The following GPR89B variants were observed in gnomAD, a reference collection of about 807,000 sequenced individuals.
GPR89B encodes golgi pH regulator B.
Under a neutral mutation model 52.4 loss-of-function variants are expected in GPR89B, and 25 were observed. The ratio of observed to expected loss-of-function variants is 0.48; its 90% CI spans 0.35 to 0.67. GPR89B has a LOEUF of 0.67. Among genes scored for constraint, GPR89B ranks in the 30% least tolerant of loss-of-function variants. The pLI is 0.01. For synonymous variants in GPR89B, 52 were observed against 151.2 expected, an observed-to-expected ratio of 0.34 and a Z score of 4.81; for missense variants, 146 against 450.2, an observed-to-expected ratio of 0.32 and a Z score of 6.11.
chr1:148,013,105 C>T, the GPR89B span, among the ~76,000 whole-genome samples: 1 of 152,058 alleles, frequency 6.6e-6, no homozygotes, highest in Non-Finnish European at 1.5e-5. Context: ...ACATGCATTA[C>T]CTTATTTAAA....
intron 7 of GPR89B, among the ~76,000 whole-genome samples, chr1:147,955,086 A>G (rs1175135640): frequency 6.6e-6 from 1 of 151,988 alleles, no homozygotes; most frequent in Non-Finnish European, 1.5e-5. Context: ...AGCCTCTGGT[A>G]ACCATCATTC....
chr1:147,965,897 C>T (rs1191382240), intron 7 of GPR89B, among the ~76,000 whole-genome samples: 8 of 151,706 alleles, frequency 5.3e-5, no homozygotes, highest in South Asian at 2.1e-4. Flanking sequence ...CCTGGGCTGG[C>T]GTGCAGTGGC....
the GPR89B span, among the ~76,000 whole-genome samples, chr1:148,006,880 C>G: frequency 1.1e-4 from 16 of 151,650 alleles, no homozygotes; most frequent in African/African-American, 3.6e-4. Context: ...CCGCGCCTGG[C>G]TAATTTTTGT....
intron 3 of GPR89B, 63 bp from the exon 4 acceptor site, chr1:147,943,375 T>G: frequency 6.3e-7 from 1 of 1,598,540 alleles, no homozygotes; most frequent in Non-Finnish European, 8.5e-7. Flanking sequence ...TTTGGAAGAC[T>G]AAAGAGAAAG....
intron 10 of GPR89B, among the ~76,000 whole-genome samples, chr1:147,980,862 T>G (rs1658196164): frequency 7.1e-6 from 1 of 141,758 alleles, no homozygotes; most frequent in Non-Finnish European, 1.5e-5. Flanking sequence ...TCCATACTCA[T>G]TAGTAGTCAT....
chr1:148,001,678 A>G, the GPR89B span, among the ~76,000 whole-genome samples: 1 of 150,582 alleles, frequency 6.6e-6, no homozygotes, highest in Admixed American at 6.6e-5. Context: ...TTATAAGCAC[A>G]CTATCTAGGC....
At chr1:147,931,662 G>A (rs587649756) in intron 1 of GPR89B, among the ~76,000 whole-genome samples, 27 of 151,600 alleles carry the variant, frequency 1.8e-4, no homozygotes, top group Admixed American at 1.6e-3. Context: ...GAGGTTTGGG[G>A]TACAAATGAT....
intron 1 of GPR89B, among the ~76,000 whole-genome samples, chr1:147,930,376 C>G (rs1653473978): frequency 6.6e-6 from 1 of 152,162 alleles, no homozygotes; most frequent in South Asian, 2.1e-4. Context: ...TGCCTTCTTC[C>G]TCATTTCCAT....
At position 147,938,888 on chromosome 1, in the gene GPR89B, G is replaced by A. The variant is rs587666604; in HGVS notation, c.206+71G>A. ...ATTCTTTACAGTGGAAAAGCTATTGGATCTCATAACTGAAAAAAAAAAAAA... is the reference window on the plus strand; with the variant it reads ...ATTCTTTACAGTGGAAAAGCTATTGAATCTCATAACTGAAAAAAAAAAAAA... On this transcript the variant is annotated intron_variant, in intron 3 of 13. Transcript: ENST00000314163. The A allele has an allele frequency of 1.9e-5, 29 of 1,537,724 alleles. No individual in the cohort carries two copies. In the African/African-American group the frequency reaches 2.9e-4, roughly 15 times the overall value.
In GPR89B at chr1:147,940,125, C is replaced by T. The variant is rs1338357355; in HGVS notation, c.206+1308C>T. Among the ~76,000 whole-genome samples, 7 of 151,864 alleles carry T rather than the reference C, an allele frequency of 4.6e-5. No individual in the cohort carries two copies. The East Asian group carries it at 9.6e-4, about 21-fold the overall frequency. ...AAACTTTAATAATCCAAACCTTGGC[C>T]GGGCGCGGTGGCTCACGCCTGTAAT... On this transcript the variant is annotated intron_variant, in intron 3 of 13. Coordinates refer to ENST00000314163, the MANE Select transcript of GPR89B (RefSeq NM_016334.5).
downstream of GPR89B, chr1:147,995,785 C>G: frequency 1.9e-6 from 3 of 1,592,270 alleles, no homozygotes; most frequent in Non-Finnish European, 2.6e-6. Context: ...TTCTATCCAC[C>G]ACCTTCTCAT....
the GPR89B span, chr1:148,009,702 C>T: frequency 2.8e-6 from 2 of 711,120 alleles, no homozygotes; most frequent in South Asian, 1.9e-5. Context: ...CTAGTTGACC[C>T]TTGACACCCA....
At position 147,949,771 on chromosome 1, in the gene GPR89B, C is replaced by T. The variant is rs184314505; in HGVS notation, c.416-3574C>T. Among the ~76,000 whole-genome samples the T allele has an allele frequency of 6.7e-3, 955 of 142,118 alleles. 25 individuals are homozygous for T. Among genetic ancestry groups the T allele is most frequent in the African/African-American group, 0.024 (858 of 36,268 alleles). 93.2% of individuals were successfully genotyped at this position (142,118 alleles called of 152,430 possible). ...CCGGGCAGAGGCGCCCCTCACCTCC[C>T]GGAGAGACGGCTGGCCGGGCAGGGG... On this transcript the variant is annotated intron_variant, in intron 5 of 13. Coordinates refer to ENST00000314163, the MANE Select transcript of GPR89B (RefSeq NM_016334.5).
chr1:148,003,835 C>T, the GPR89B span: 1 of 586,470 alleles, frequency 1.7e-6, no homozygotes, highest in Non-Finnish European at 3.0e-6. Context: ...CCATTGCTTC[C>T]TTTCTTCATC....
the GPR89B span, among the ~76,000 whole-genome samples, chr1:148,003,543 C>G: frequency 1.3e-5 from 2 of 152,298 alleles, 1 homozygote; most frequent in African/African-American, 4.8e-5. Context: ...TACCCCCGCC[C>G]CAGAGAGCTA....
chr1:148,015,036 G>A, the GPR89B span: 1 of 151,896 alleles, frequency 6.6e-6, no homozygotes, highest in African/African-American at 2.4e-5. Flanking sequence ...TGCTCTGCAT[G>A]GTGATGCCGG....
chr1:148,000,562 T>G, the GPR89B span, among the ~76,000 whole-genome samples: 5 of 150,918 alleles, frequency 3.3e-5, no homozygotes, highest in Non-Finnish European at 7.4e-5. Context: ...CTCTCTAAGC[T>G]TCGGTTTCCT....
the GPR89B span, among the ~76,000 whole-genome samples, chr1:148,025,551 A>AAG: frequency 3.4e-5 from 5 of 147,624 alleles, no homozygotes; most frequent in East Asian, 9.8e-4. Flanking sequence ...AAAAAAAAAA[A>AAG]GAATCTTAGG....
intron 5 of GPR89B, among the ~76,000 whole-genome samples, chr1:147,948,756 A>ATT (rs199854363): frequency 1.8e-4 from 25 of 138,308 alleles, no homozygotes; most frequent in Admixed American, 5.8e-4. Flanking sequence ...AGATAAAATA[A>ATT]TTTTTTTTTT....
Sources: gnomAD v4.1 joint callset for allele counts (sites outside exome capture counted in the v4.1 genomes callset) on GRCh38, gnomAD v4.1.1 for gene constraint, MANE v1.5 for transcripts, NCBI Gene and HGNC (gene_info 2026-07-23, HGNC 2026-07-21) for gene names.